DGKB: variants seen among roughly 807,000 people sequenced by gnomAD.
DGKB encodes 90 kDa diacylglycerol kinase.
In DGKB, 67 loss-of-function variants were observed where a neutral mutation model predicts 114.3. The ratio of observed to expected loss-of-function variants is 0.59; its 90% CI spans 0.48 to 0.72. DGKB has a LOEUF of 0.72. Among genes scored for constraint, DGKB ranks in the 30% least tolerant of loss-of-function variants. DGKB has a pLI of 0.00. For missense variants in DGKB, 907 were observed against 975.2 expected, an observed-to-expected ratio of 0.93 and a Z score of 0.93; for synonymous variants, 398 against 323.1, an observed-to-expected ratio of 1.23 and a Z score of -2.49.
rs370991066 is a variant in DGKB at position 14,640,205 on chromosome 7, A to G, written c.1135-9937T>C. On this transcript the variant is annotated intron_variant, in intron 13 of 25. Transcript: ENST00000402815. ...ATTATACCTTGTCTGGGTTTTTCCT[A>G]TTGTAAATTAGGAAATTGATATTTT... Among the ~76,000 whole-genome samples, 8 of 152,284 alleles carry G rather than the reference A, an allele frequency of 5.3e-5. No homozygotes were observed. The East Asian group carries it at 1.4e-3, about 26-fold the overall frequency.
chr7:14,245,591 C>T (rs897922779), intron 23 of DGKB, among the ~76,000 whole-genome samples: 1 of 151,986 alleles, frequency 6.6e-6, no homozygotes, highest in Non-Finnish European at 1.5e-5. Context: ...AATTAAAGGA[C>T]AAGTTTACCA....
intron 20 of DGKB, among the ~76,000 whole-genome samples, chr7:14,547,519 A>G (rs1055454646): frequency 7.9e-5 from 12 of 152,170 alleles, no homozygotes; most frequent in African/African-American, 2.9e-4. Context: ...TTGGGCTAAT[A>G]TGGTTTTGTA....
intron 17 of DGKB, among the ~76,000 whole-genome samples, chr7:14,586,240 G>A (rs10231244): frequency 0.027 from 4,050 of 152,106 alleles, 159 homozygotes; most frequent in African/African-American, 0.093. Context: ...ACAAGAAGGC[G>A]AAACAGCCTT....
At chr7:14,347,467 A>G (rs1583320266) in intron 21 of DGKB, among the ~76,000 whole-genome samples, 2 of 152,022 alleles carry the variant, frequency 1.3e-5, no homozygotes, top group East Asian at 1.9e-4. Context: ...AATGAAATCA[A>G]TACCTCAAAG....
intron 13 of DGKB, among the ~76,000 whole-genome samples, chr7:14,655,541 G>T (rs1174801409): frequency 1.3e-5 from 2 of 151,630 alleles, no homozygotes; most frequent in African/African-American, 4.8e-5. Flanking sequence ...TGGGTATTTA[G>T]CCAAAGGAAA....
intron 22 of DGKB, among the ~76,000 whole-genome samples, chr7:14,344,257 T>C (rs1812113002): frequency 6.6e-6 from 1 of 151,430 alleles, no homozygotes; most frequent in Non-Finnish European, 1.5e-5. Context: ...TCCCATTCCA[T>C]GACCATCAAT....
At chr7:14,872,267 A>G (rs534027236) in intron 1 of DGKB, among the ~76,000 whole-genome samples, 1 of 152,358 alleles carries the variant, frequency 6.6e-6, no homozygotes, top group South Asian at 2.1e-4. Context: ...CAGGAATAAC[A>G]AACATACGCT....
intron 23 of DGKB, among the ~76,000 whole-genome samples, chr7:14,210,932 C>T (rs189650554): frequency 1.3e-5 from 2 of 152,052 alleles, no homozygotes; most frequent in African/African-American, 4.8e-5. Flanking sequence ...TGCACTCCCC[C>T]TCTCCACTGT....
At chr7:14,339,502 G>A (rs2128577978) in intron 22 of DGKB, among the ~76,000 whole-genome samples, 1 of 152,066 alleles carries the variant, frequency 6.6e-6, no homozygotes, top group Non-Finnish European at 1.5e-5. Flanking sequence ...ACACCCTGGT[G>A]ATTATGAAAA....
chr7:14,657,075 C>T (rs1815990307), intron 13 of DGKB, among the ~76,000 whole-genome samples: 1 of 151,696 alleles, frequency 6.6e-6, no homozygotes, highest in African/African-American at 2.4e-5. Flanking sequence ...TGGGTCCCTT[C>T]CAGTTTTCTT....
intron 5 of DGKB, among the ~76,000 whole-genome samples, chr7:14,731,587 T>C (rs1008284885): frequency 1.3e-5 from 2 of 152,164 alleles, no homozygotes; most frequent in African/African-American, 4.8e-5. Flanking sequence ...TCTGCATATT[T>C]ATTAAATTTC....
chr7:14,536,043 A>T (rs1792438544), intron 20 of DGKB, among the ~76,000 whole-genome samples: 1 of 152,200 alleles, frequency 6.6e-6, no homozygotes, highest in South Asian at 2.1e-4. Flanking sequence ...TATGCTAACA[A>T]ATTGGACAAT....
At chr7:14,607,288 C>T (rs920001956) in intron 17 of DGKB, 146 bp downstream of exon 17, 6 of 556,908 alleles carry the variant, frequency 1.1e-5, no homozygotes, top group Non-Finnish European at 1.9e-5. Flanking sequence ...TATTTGCACT[C>T]ATTTCTCTTA....
chr7:14,165,270 T>A (rs2128228741), intron 25 of DGKB, among the ~76,000 whole-genome samples: 1 of 152,232 alleles, frequency 6.6e-6, no homozygotes, highest in Admixed American at 6.5e-5. Context: ...CTAGAATAGG[T>A]TTTAAATAAA....
intron 1 of DGKB, among the ~76,000 whole-genome samples, chr7:14,892,390 T>A (rs903824678): frequency 6.6e-6 from 1 of 151,098 alleles, no homozygotes; most frequent in Middle Eastern, 3.4e-3. Context: ...TAAAGGAAAA[T>A]TGCCATACAG....
intron 10 of DGKB, among the ~76,000 whole-genome samples, chr7:14,684,571 A>G (rs940677474): frequency 6.6e-6 from 1 of 152,220 alleles, no homozygotes; most frequent in Non-Finnish European, 1.5e-5. Flanking sequence ...ACTGTTATAT[A>G]CACTATAAGA....
intron 23 of DGKB, among the ~76,000 whole-genome samples, chr7:14,292,140 A>G (rs1400099665): frequency 6.6e-6 from 1 of 152,204 alleles, no homozygotes; most frequent in African/African-American, 2.4e-5. Flanking sequence ...GGTTTAAAGA[A>G]ATAATTGTGA....
At chr7:14,733,636 C>T (rs1238336314) in intron 5 of DGKB, among the ~76,000 whole-genome samples, 1 of 151,542 alleles carries the variant, frequency 6.6e-6, no homozygotes, top group Non-Finnish European at 1.5e-5. Flanking sequence ...TGCAGTGAGC[C>T]AAGATCATGC....
At chr7:14,432,254 G>A (rs1464834963) in intron 21 of DGKB, among the ~76,000 whole-genome samples, 3 of 151,968 alleles carry the variant, frequency 2.0e-5, no homozygotes, top group Non-Finnish European at 2.9e-5. Context: ...CCCTATCATC[G>A]CTATAAAGGG....
Sources: allele counts gnomAD v4.1 joint callset (sites outside exome capture counted in the v4.1 genomes callset), GRCh38; gene constraint gnomAD v4.1.1; transcripts MANE v1.5; gene names NCBI Gene and HGNC (gene_info 2026-07-23, HGNC 2026-07-21).